Variants in SPIDR observed in about 807,000 individuals in gnomAD.
SPIDR encodes the protein DNA repair-scaffolding protein.
In SPIDR, 93 loss-of-function variants were observed where a neutral mutation model predicts 104.6. The observed-to-expected ratio is 0.89, with a 90% CI of 0.75 to 1.06. The LOEUF is 1.06. Among genes scored for constraint, SPIDR ranks in the 50% least tolerant of loss-of-function variants. The probability of loss-of-function intolerance (pLI) is 0.00; values close to 1 mark genes in which losing one functional copy is unlikely to be tolerated. For synonymous variants in SPIDR, 431 were observed against 416.9 expected (o/e 1.03, Z -0.41); for missense variants, 1,154 against 1,111.2 (o/e 1.04, Z -0.55).
intron 8 of SPIDR, chr8:47,546,897 G>A: frequency 2.3e-6 from 1 of 437,330 alleles, no homozygotes; most frequent in Non-Finnish European, 4.4e-6. Context: ...TTAATGGTTT[G>A]TTGCCCTTGC....
At chr8:47,676,070 A>G (rs2076408573) in intron 11 of SPIDR, among the ~76,000 whole-genome samples, 1 of 152,252 alleles carries the variant, frequency 6.6e-6, no homozygotes, top group Admixed American at 6.5e-5. Flanking sequence ...GGACACAGCC[A>G]GACAGGACCT....
chr8:47,595,994 A>T lies in SPIDR; in HGVS notation c.1281A>T (p.Ser427=), dbSNP rs1473668004. The change falls in exon 9 of 20, where the codon TCA becomes TCT. Residue 427 remains serine (S), a synonymous_variant. Coordinates refer to ENST00000297423, the MANE Select transcript of SPIDR (RefSeq NM_001080394.4). The stretch of plus-strand genomic sequence containing the variant: ...TAATTAAGGGTCTAACAAATAATTC[A>T]CCTGAAATCCAGGTAAACTCCTATT... The part of the protein sequence containing the change: ...MFVIKGLTNN[S]PEIQVVCSGV... 1 of 1,610,644 alleles carries T rather than the reference A, an allele frequency of 6.2e-7. No homozygotes were observed. Among genetic ancestry groups the T allele is most frequent in the Non-Finnish European group, 8.5e-7 (1 of 1,179,046 alleles).
At chr8:47,582,067 A>G (rs2154411793) in intron 8 of SPIDR, among the ~76,000 whole-genome samples, 1 of 152,238 alleles carries the variant, frequency 6.6e-6, no homozygotes, top group Non-Finnish European at 1.5e-5. Context: ...AAATACAAAA[A>G]TTAGCCAGGC....
rs2057755402 is a variant in SPIDR, at chr8:47,565,985, TATATA to T, written c.1098-29825_1098-29821del. ...ATATTTATACTCATATATATATATATATATATATTTTTTTTTTTTTTTTTTTTTTT... is the reference window on the plus strand; with the variant it reads ...ATATTTATACTCATATATATATATATTATTTTTTTTTTTTTTTTTTTTTTT... On this transcript the variant is annotated intron_variant, in intron 8 of 19. Coordinates refer to ENST00000297423, the MANE Select transcript of SPIDR (RefSeq NM_001080394.4). 1.7e-3 allele frequency among the ~76,000 whole-genome samples: 84 copies of T among 48,856 alleles called. 1 individual carries two copies. The highest frequency in any genetic ancestry group is 3.5e-3 in the Non-Finnish European group (67 of 19,326). The allele number at this position is 48,856 out of a possible 152,430, so 32.1% of individuals were successfully genotyped here. A position where few individuals can be genotyped will look rare whatever the true frequency, so the allele number is the denominator to read the frequency against.
At chr8:47,512,154 A>C in intron 8 of SPIDR, 2 of 403,706 alleles carry the variant, frequency 5.0e-6, no homozygotes, top group Non-Finnish European at 9.2e-6. Flanking sequence ...TCTTCATCCC[A>C]TGCGCCTCCC....
At chr8:47,588,086 T>TATAC (rs2060511904) in intron 8 of SPIDR, among the ~76,000 whole-genome samples, 3 of 99,854 alleles carry the variant, frequency 3.0e-5, no homozygotes, top group East Asian at 3.2e-4. Flanking sequence ...TATATATATA[T>TATAC]ACACGTATGT....
At chr8:47,537,823 GCTTCATTT>G (rs1587385070) in intron 8 of SPIDR, among the ~76,000 whole-genome samples, 2 of 152,148 alleles carry the variant, frequency 1.3e-5, no homozygotes, top group East Asian at 3.8e-4. Flanking sequence ...CAGTATTTCT[GCTTCATTT>G]CTTCATAAAC....
chr8:47,403,523 C>A (rs2062227820), intron 6 of SPIDR, among the ~76,000 whole-genome samples: 1 of 152,170 alleles, frequency 6.6e-6, no homozygotes, highest in Non-Finnish European at 1.5e-5. Context: ...GATACAAAAT[C>A]AATGTGCAAA....
At position 47,589,681 on chromosome 8, in the gene SPIDR, C is replaced by T. The variant is rs192593651; in HGVS notation, c.1098-6130C>T. On this transcript the variant is annotated intron_variant, in intron 8 of 19. Transcript: ENST00000297423. The stretch of plus-strand genomic sequence containing the variant: ...GTTGTGAGAATGTATGTAGACTTGT[C>T]CATTGTACTTTACCTAGCCTTGTGA... Among the ~76,000 whole-genome samples the T allele has an allele frequency of 2.0e-3, 306 of 152,104 alleles. 1 individual carries two copies. Among genetic ancestry groups the T allele is most frequent in the Non-Finnish European group, 3.3e-3 (226 of 68,008 alleles).
At chr8:47,621,633 G>A (rs1166874516) in intron 10 of SPIDR, among the ~76,000 whole-genome samples, 1 of 152,210 alleles carries the variant, frequency 6.6e-6, no homozygotes, top group Non-Finnish European at 1.5e-5. Flanking sequence ...TGAATACAGG[G>A]CCCCCATAAA....
intron 8 of SPIDR, among the ~76,000 whole-genome samples, chr8:47,469,572 A>G (rs1261183320): frequency 6.6e-6 from 1 of 152,198 alleles, no homozygotes; most frequent in African/African-American, 2.4e-5. Context: ...ATTTTACAGA[A>G]ACATGAATGG....
chr8:47,707,051 G>A (rs1184293176), intron 14 of SPIDR, among the ~76,000 whole-genome samples: 1 of 151,998 alleles, frequency 6.6e-6, no homozygotes, highest in Non-Finnish European at 1.5e-5. Flanking sequence ...TCAGGAATTG[G>A]AGATGAGCCT....
At chr8:47,429,664 C>G (rs1204614166) in intron 7 of SPIDR, among the ~76,000 whole-genome samples, 1 of 152,112 alleles carries the variant, frequency 6.6e-6, no homozygotes, top group African/African-American at 2.4e-5. Flanking sequence ...TGGTTCTGGT[C>G]CAAACTTGGC....
At chr8:47,429,388 A>G (rs987603340) in intron 7 of SPIDR, among the ~76,000 whole-genome samples, 3 of 152,056 alleles carry the variant, frequency 2.0e-5, no homozygotes, top group African/African-American at 4.8e-5. Flanking sequence ...ACAGCACGCA[A>G]TATCTCCATG....
intron 8 of SPIDR, among the ~76,000 whole-genome samples, chr8:47,490,659 T>G (rs1486343556): frequency 6.6e-6 from 1 of 152,188 alleles, no homozygotes; most frequent in Non-Finnish European, 1.5e-5. Context: ...TGGAATACTA[T>G]GTAGCCATAA....
intron 10 of SPIDR, among the ~76,000 whole-genome samples, chr8:47,625,256 T>C (rs1211662328): frequency 1.3e-5 from 2 of 152,214 alleles, no homozygotes; most frequent in Admixed American, 6.5e-5. Context: ...AAGAGCTATC[T>C]ATGGCAAACC....
chr8:47,316,210 A>G lies in SPIDR; in HGVS notation c.525+22180A>G, dbSNP rs146687534. Among the ~76,000 whole-genome samples the G allele has an allele frequency of 1.9e-4, 29 of 152,356 alleles. No individual in the cohort carries two copies. The East Asian group carries it at 5.2e-3, about 27-fold the overall frequency. ...TGAACACATGAAAATGTTACTAAAC[A>G]TCGTCAATTATTAAGGAAATACAAA... is the stretch of plus-strand genomic sequence containing the variant. On this transcript the variant is annotated intron_variant, in intron 5 of 19. Coordinates refer to ENST00000297423, the MANE Select transcript of SPIDR (RefSeq NM_001080394.4).
intron 14 of SPIDR, among the ~76,000 whole-genome samples, chr8:47,708,942 G>A (rs1013807981): frequency 2.7e-5 from 4 of 148,810 alleles, no homozygotes; most frequent in South Asian, 4.3e-4. Context: ...CATCTTGGTT[G>A]TTTCCAGGTT....
rs551768100 is a variant in SPIDR at position 47,542,133 on chromosome 8, A to C, written c.1098-53678A>C. Among the ~76,000 whole-genome samples the C allele has an allele frequency of 2.0e-5, 3 of 152,194 alleles. No individual in the cohort carries two copies. The East Asian group carries it at 5.8e-4, about 29-fold the overall frequency. The stretch of plus-strand genomic sequence containing the variant: ...CTACAGCAAAGTTAATTAAGGAAGA[A>C]GATTTCTGTAAGCAACGTCGTCTTA... On this transcript the variant is annotated intron_variant, in intron 8 of 19. Transcript: ENST00000297423.
Sources: gnomAD v4.1 joint callset for allele counts (sites outside exome capture counted in the v4.1 genomes callset) on GRCh38, gnomAD v4.1.1 for gene constraint, MANE v1.5 for transcripts, NCBI Gene and HGNC (gene_info 2026-07-23, HGNC 2026-07-21) for gene names.